The following UBL3 variants were observed in gnomAD, a reference collection of about 807,000 sequenced individuals.
The protein encoded by UBL3 is ubiquitin-like protein 3.
A neutral mutation model predicts 18.4 loss-of-function variants in UBL3; 6 were observed. The observed-to-expected ratio is 0.33, with a 90% CI of 0.18 to 0.64. UBL3 has a LOEUF of 0.64. Ranked by LOEUF, UBL3 falls within the 30% of genes least tolerant of loss-of-function variation. The pLI is 0.76. For missense variants in UBL3, 109 were observed against 142.9 expected, an observed-to-expected ratio of 0.76 and a Z score of 1.21; for synonymous variants, 49 against 46.6, an observed-to-expected ratio of 1.05 and a Z score of -0.21.
chr13:29,841,118 TAAAC>T (rs1403265557), intron 1 of UBL3, among the ~76,000 whole-genome samples: 2 of 152,098 alleles, frequency 1.3e-5, no homozygotes, highest in East Asian at 1.9e-4. Flanking sequence ...CTTAAGTACA[TAAAC>T]AAAAATGTTA....
intron 1 of UBL3, among the ~76,000 whole-genome samples, chr13:29,783,454 T>C (rs1013208755): frequency 2.6e-5 from 4 of 152,196 alleles, no homozygotes; most frequent in Non-Finnish European, 5.9e-5. Context: ...AAGTATACCT[T>C]AGGACTGTAA....
chr13:29,817,082 G>A (rs978105303), intron 1 of UBL3, among the ~76,000 whole-genome samples: 1 of 152,168 alleles, frequency 6.6e-6, no homozygotes, highest in African/African-American at 2.4e-5. Context: ...TTTGTACTGA[G>A]AACTGTTTGA....
chr13:29,839,413 C>T (rs1029408172), intron 1 of UBL3, among the ~76,000 whole-genome samples: 2 of 152,126 alleles, frequency 1.3e-5, no homozygotes, highest in African/African-American at 4.8e-5. Context: ...TAATATACAA[C>T]AAACTTGTAA....
intron 1 of UBL3, among the ~76,000 whole-genome samples, chr13:29,782,100 T>TTA (rs1202018981): frequency 6.6e-6 from 1 of 152,022 alleles, no homozygotes; most frequent in African/African-American, 2.4e-5. Flanking sequence ...AAAAATAAAG[T>TTA]TATAAGATAT....
At chr13:29,786,048 G>T (rs1285297600) in intron 1 of UBL3, among the ~76,000 whole-genome samples, 1 of 152,134 alleles carries the variant, frequency 6.6e-6, no homozygotes, top group East Asian at 1.9e-4. Context: ...ATTCTACCTA[G>T]CCCATCTCTG....
chr13:29,822,521 T>A (rs1878485371), intron 1 of UBL3, among the ~76,000 whole-genome samples: 1 of 152,180 alleles, frequency 6.6e-6, no homozygotes, highest in Non-Finnish European at 1.5e-5. Flanking sequence ...AATTACAGGA[T>A]TAAAATTAGA....
chr13:29,773,738 A>T (rs1336646099), intron 2 of UBL3, among the ~76,000 whole-genome samples: 2 of 152,274 alleles, frequency 1.3e-5, no homozygotes, highest in Non-Finnish European at 2.9e-5. Context: ...AGCTTAAATG[A>T]AGAATTTCAG....
At chr13:29,835,115 T>TAA (rs796349668) in intron 1 of UBL3, among the ~76,000 whole-genome samples, 1,088 of 25,738 alleles carry the variant, frequency 0.042, 46 homozygotes, top group East Asian at 0.076. Flanking sequence ...TAAATATATA[T>TAA]ATATATATAA....
chr13:29,840,263 A>T (rs1879064547), intron 1 of UBL3, among the ~76,000 whole-genome samples: 2 of 152,220 alleles, frequency 1.3e-5, no homozygotes. Flanking sequence ...CAAAATGGAC[A>T]AATCTCTTGA....
Position 29,850,255 on chromosome 13 carries a change from ACAGCCC to A in UBL3, c.-723_-718del, listed in dbSNP as rs966195561. The stretch of plus-strand genomic sequence containing the variant: ...TGCTCGGGGCCGGCCGGGACACTCC[ACAGCCC>A]CTCTGGGCTCAGGCCGCGGGCGCCT... On this transcript the variant is annotated 5_prime_UTR_variant, in exon 1 of 5. Transcript: ENST00000380680. 4.6e-5 allele frequency: 7 copies of A among 153,166 alleles called. No homozygotes were observed. The highest frequency in any genetic ancestry group is 1.4e-4 in the African/African-American group (6 of 41,472). 9.5% of individuals were successfully genotyped at this position (153,166 alleles called of 1,614,324 possible).
intron 1 of UBL3, among the ~76,000 whole-genome samples, chr13:29,840,887 G>GGTTCTATAC (rs1879083778): frequency 6.6e-6 from 1 of 151,924 alleles, no homozygotes; most frequent in Non-Finnish European, 1.5e-5. Context: ...ATTATAATAC[G>GGTTCTATAC]GTTCTATACT....
At chr13:29,834,512 A>G (rs955372795) in intron 1 of UBL3, among the ~76,000 whole-genome samples, 3 of 152,204 alleles carry the variant, frequency 2.0e-5, no homozygotes, top group African/African-American at 4.8e-5. Flanking sequence ...CTTAAGTCCT[A>G]TTAAAGACAC....
At chr13:29,800,185 C>T (rs1320109025) in intron 1 of UBL3, among the ~76,000 whole-genome samples, 3 of 152,188 alleles carry the variant, frequency 2.0e-5, no homozygotes, top group African/African-American at 7.2e-5. Flanking sequence ...CAATAAATCA[C>T]TGAATTTCAC....
At position 29,784,966 on chromosome 13, in the gene UBL3, C is replaced by T. The variant is rs1029624238; in HGVS notation, c.28-7703G>A. ...TGTCACCCAGGCTGGAGTGCAGTGG[C>T]GGGATCTCGGCTCGCCGCAACCTCC... is the stretch of plus-strand genomic sequence containing the variant. On this transcript the variant is annotated intron_variant, in intron 1 of 4. Coordinates refer to ENST00000380680, the MANE Select transcript of UBL3 (RefSeq NM_007106.4). Among the ~76,000 whole-genome samples, 4 of 152,286 alleles carry T rather than the reference C, an allele frequency of 2.6e-5. No homozygotes were observed. The South Asian group carries it at 6.2e-4, about 24-fold the overall frequency.
At chr13:29,814,799 GAATT>G (rs1292158569) in intron 1 of UBL3, among the ~76,000 whole-genome samples, 4 of 152,134 alleles carry the variant, frequency 2.6e-5, no homozygotes, top group South Asian at 2.1e-4. Context: ...ATTTTTACCA[GAATT>G]AATTAAATTT....
At position 29,838,031 on chromosome 13, in the gene UBL3, C is replaced by CA. The variant is rs1000785452; in HGVS notation, c.27+11480dup. ...TACTCTACAAGCTTTATGTAGATTA[C>CA]AAAAAAAAAAGCTACACAAGAGCAC... On this transcript the variant is annotated intron_variant, in intron 1 of 4. Transcript: ENST00000380680. 2.4e-3 allele frequency among the ~76,000 whole-genome samples: 332 copies of CA among 137,302 alleles called. 2 individuals are homozygous for CA. Among genetic ancestry groups the CA allele is most frequent in the African/African-American group, 7.1e-3 (265 of 37,110 alleles). 90.1% of individuals were successfully genotyped at this position (137,302 alleles called of 152,430 possible).
At chr13:29,830,777 T>C (rs1356829630) in intron 1 of UBL3, among the ~76,000 whole-genome samples, 1 of 152,144 alleles carries the variant, frequency 6.6e-6, no homozygotes. Flanking sequence ...GGCACAAGAA[T>C]GGAAAAAATG....
chr13:29,800,281 G>A (rs1221080748), intron 1 of UBL3, among the ~76,000 whole-genome samples: 1 of 152,128 alleles, frequency 6.6e-6, no homozygotes, highest in Non-Finnish European at 1.5e-5. Context: ...AAAGTAACAA[G>A]ACTGATGGAT....
chr13:29,838,399 G>A (rs1207483357), intron 1 of UBL3, among the ~76,000 whole-genome samples: 1 of 152,122 alleles, frequency 6.6e-6, no homozygotes, highest in African/African-American at 2.4e-5. Flanking sequence ...TGAGGACAAA[G>A]TGAAATGAGC....
Sources: allele counts gnomAD v4.1 joint callset (sites outside exome capture counted in the v4.1 genomes callset), GRCh38; gene constraint gnomAD v4.1.1; transcripts MANE v1.5; gene names NCBI Gene and HGNC (gene_info 2026-07-23, HGNC 2026-07-21).